The following POLA2 variants were observed in gnomAD, a reference collection of about 807,000 sequenced individuals.
POLA2 encodes the protein DNA polymerase alpha subunit B.
Under a neutral mutation model 82.8 loss-of-function variants are expected in POLA2, and 47 were observed. The observed-to-expected ratio is 0.57, with a 90% CI of 0.45 to 0.72. POLA2 has a LOEUF of 0.72. POLA2 is among the 30% of genes least tolerant of loss of function. The pLI is 0.00. For missense variants in POLA2, 634 were observed against 728.1 expected (o/e 0.87, Z 1.49); for synonymous variants, 287 against 286.8 (o/e 1.00, Z -0.01).
chr11:65,297,477 T>G lies in POLA2; in HGVS notation c.*208T>G. ...TGGTGCCTCTCCTGGAAGGAAGCTC[T>G]TGCTTCTCAGTCCATGCTCCGTGTC... On this transcript the variant is annotated 3_prime_UTR_variant, in exon 18 of 18. Coordinates refer to ENST00000265465, the MANE Select transcript of POLA2 (RefSeq NM_002689.4). 2.1e-6 allele frequency: 1 copy of G among 472,618 alleles called. No homozygotes were observed. Among genetic ancestry groups the G allele is most frequent in the Non-Finnish European group, 3.6e-6 (1 of 276,272 alleles). 29.3% of individuals were successfully genotyped at this position (472,618 alleles called of 1,614,324 possible).
At position 65,267,516 on chromosome 11, in the gene POLA2, T is replaced by C. The variant is rs1225396448; in HGVS notation, c.244T>C (p.Cys82Arg). 2.5e-6 allele frequency: 4 copies of C among 1,612,676 alleles called. No individual in the cohort carries two copies. In the Admixed American group the frequency reaches 6.7e-5, roughly 27 times the overall value. Residue 82 changes from cysteine (C) to arginine (R), a missense_variant, in exon 3 of 18, where the codon TGC (cysteine) becomes CGC (arginine). Cys to Arg is a radical substitution (Grantham distance 180, BLOSUM62 -3). Coordinates refer to ENST00000265465, the MANE Select transcript of POLA2 (RefSeq NM_002689.4). The stretch of plus-strand genomic sequence containing the variant: ...ATTATCGAAAGCCAGGCATAGTACC[T>C]GCAAGGACAGTGGCCATGCAGGAGC... ...KRLSKARHST[C>R]KDSGHAGARD...
At position 65,297,270 on chromosome 11, in the gene POLA2, G is replaced by A. The variant is rs759515899; in HGVS notation, c.*1G>A. ...TGCTGTGCAGGTCGTCAGGATCTGA[G>A]GCTTCTGTCCTCTGCTGTTCTCTGC... On this transcript the variant is annotated 3_prime_UTR_variant, in exon 18 of 18. Transcript: ENST00000265465. The A allele has an allele frequency of 6.2e-6, 10 of 1,603,790 alleles. No homozygotes were observed. In the Admixed American group the frequency reaches 1.2e-4, roughly 19 times the overall value.
At chr11:65,303,839 G>T (rs1590915630) in intron 8 of POLA2, among the ~76,000 whole-genome samples, 1 of 152,296 alleles carries the variant, frequency 6.6e-6, no homozygotes, top group East Asian at 1.9e-4. Flanking sequence ...CACCTGCAGG[G>T]ACAGCACAAC....
downstream of POLA2, among the ~76,000 whole-genome samples, chr11:65,302,422 C>T (rs912033013): frequency 5.3e-5 from 8 of 152,208 alleles, no homozygotes; most frequent in Non-Finnish European, 7.4e-5. Flanking sequence ...GGGACCCTGC[C>T]CTCCCACCAC....
chr11:65,304,315 T>TCATC (rs1565500536), intron 8 of POLA2, among the ~76,000 whole-genome samples: 2 of 112,138 alleles, frequency 1.8e-5, no homozygotes, highest in African/African-American at 7.0e-5. Context: ...ACCCACCCAC[T>TCATC]CATCCATCCA....
chr11:65,289,413 G>A (rs1443677739), intron 12 of POLA2, among the ~76,000 whole-genome samples: 1 of 152,192 alleles, frequency 6.6e-6, no homozygotes, highest in Non-Finnish European at 1.5e-5. Flanking sequence ...GAAAGAACCT[G>A]TCCTGGCCAA....
chr11:65,299,988 A>G (rs1230938518), downstream of POLA2, among the ~76,000 whole-genome samples: 2 of 151,904 alleles, frequency 1.3e-5, no homozygotes, highest in African/African-American at 4.8e-5. Context: ...CACCATGCCC[A>G]TTTTAAAGTG....
intron 4 of POLA2, among the ~76,000 whole-genome samples, chr11:65,271,199 G>A (rs1949517713): frequency 6.6e-6 from 1 of 152,146 alleles, no homozygotes; most frequent in Non-Finnish European, 1.5e-5. Context: ...TGAGAATAGA[G>A]ACTTTGTTTT....
chr11:65,303,021 TTTTTTA>T (rs1181486365), downstream of POLA2, among the ~76,000 whole-genome samples: 1 of 152,144 alleles, frequency 6.6e-6, no homozygotes, highest in African/African-American at 2.4e-5. Context: ...GTGTTTGAAA[TTTTTTA>T]CCATGTGTCT....
chr11:65,295,817 GGGCCCCCC>G (rs1949804305), intron 16 of POLA2, 39 bp from the exon 17 acceptor site: 1 of 1,589,870 alleles, frequency 6.3e-7, no homozygotes, highest in Non-Finnish European at 8.6e-7. Flanking sequence ...TCTGAGAAGG[GGGCCCCCC>G]GGTCAGCTAG....
chr11:65,287,851 C>T lies in POLA2; in HGVS notation c.1131+11C>T. On this transcript the variant is annotated intron_variant, in intron 11 of 17. Coordinates refer to ENST00000265465, the MANE Select transcript of POLA2 (RefSeq NM_002689.4). ...GATGTCTGCATCCTGGTAAGAGGCA[C>T]CAGTGGGAAAGCTGAGGAGTCAGCC... 1 of 1,611,594 alleles carries T rather than the reference C, an allele frequency of 6.2e-7. No homozygotes were observed. The highest frequency in any genetic ancestry group is 8.5e-7 in the Non-Finnish European group (1 of 1,178,932).
downstream of POLA2, chr11:65,298,749 C>T (rs1189930244): frequency 6.6e-6 from 1 of 152,248 alleles, no homozygotes; most frequent in African/African-American, 2.4e-5. Flanking sequence ...ATTAGAAACT[C>T]ATCCCTGCGT....
intron 13 of POLA2, among the ~76,000 whole-genome samples, chr11:65,291,326 T>C (rs1242256711): frequency 3.9e-5 from 6 of 152,254 alleles, no homozygotes; most frequent in Admixed American, 3.3e-4. Flanking sequence ...CAATAAGTTG[T>C]AACATTACCT....
chr11:65,271,798 C>T (rs1009980488), intron 4 of POLA2, among the ~76,000 whole-genome samples: 2 of 149,000 alleles, frequency 1.3e-5, no homozygotes, highest in Non-Finnish European at 3.0e-5. Flanking sequence ...AAGATTACAC[C>T]ACTGCCCTCC....
At chr11:65,301,836 C>T (rs1185778463), downstream of POLA2, among the ~76,000 whole-genome samples, 2 of 152,180 alleles carry the variant, frequency 1.3e-5, no homozygotes, top group Non-Finnish European at 2.9e-5. Context: ...CTTCTGTCAC[C>T]GTCATTGGTC....
At chr11:65,264,092 A>G (rs1949431929) in intron 1 of POLA2, among the ~76,000 whole-genome samples, 1 of 151,864 alleles carries the variant, frequency 6.6e-6, no homozygotes, top group African/African-American at 2.4e-5. Context: ...GTTTTTTGAG[A>G]TGGAGTTTCT....
At chr11:65,305,789 C>G (rs1455284826), downstream of POLA2, among the ~76,000 whole-genome samples, 1 of 152,206 alleles carries the variant, frequency 6.6e-6, no homozygotes, top group East Asian at 1.9e-4. Context: ...TGTGAAAGGG[C>G]TTTTGTACAG....
Position 65,281,003 on chromosome 11 carries a change from T to A in POLA2, c.756T>A (p.Thr252=), listed in dbSNP as rs1461332232. ...PLLAPAQEPV[T]LLGQIGCDSN... ...CCTTCCTTTGGTAGGAGCCTGTCAC[T>A]CTGCTGGGCCAGATTGGCTGTGATA... The change falls in exon 8 of 18, where the codon ACT becomes ACA. Residue 252 remains threonine, a synonymous_variant. Coordinates refer to ENST00000265465, the MANE Select transcript of POLA2 (RefSeq NM_002689.4). 1.2e-6 allele frequency: 2 copies of A among 1,613,706 alleles called. No individual in the cohort carries two copies. The highest frequency in any genetic ancestry group is 1.7e-5 in the Admixed American group (1 of 59,990).
At chr11:65,263,953 C>G (rs563799860) in intron 1 of POLA2, among the ~76,000 whole-genome samples, 3 of 152,338 alleles carry the variant, frequency 2.0e-5, no homozygotes, top group African/African-American at 7.2e-5. Flanking sequence ...GGCCAAGATG[C>G]CAGTTGCTTT....
Sources: allele counts gnomAD v4.1 joint callset (sites outside exome capture counted in the v4.1 genomes callset), GRCh38; gene constraint gnomAD v4.1.1; transcripts MANE v1.5; gene names NCBI Gene and HGNC (gene_info 2026-07-23, HGNC 2026-07-21).